CDH4: variants seen among roughly 807,000 people sequenced by gnomAD.
CDH4 encodes the protein cadherin 4.
A neutral mutation model predicts 86.0 loss-of-function variants in CDH4; 33 were observed. The observed-to-expected ratio is 0.38, with a 90% confidence interval of 0.29 to 0.51. CDH4 has a LOEUF of 0.51. Ranked by LOEUF, CDH4 falls within the 20% of genes least tolerant of loss-of-function variation. The pLI, the probability that CDH4 is intolerant of heterozygous loss-of-function variation, is 0.86. For missense variants in CDH4, 1,114 were observed against 1,307.4 expected (o/e 0.85, Z 2.28); for synonymous variants, 555 against 549.4 (o/e 1.01, Z -0.14).
Position 61,938,385 on chromosome 20 carries a change from C to G in CDH4, c.*1442C>G, listed in dbSNP as rs994884346. ...TGAGAAAACTCAGAGGGTGCATTCT[C>G]CCTCTGGCATGGCTGTGTCTGGGCG... On this transcript the variant is annotated 3_prime_UTR_variant, in exon 16 of 16. Coordinates refer to ENST00000614565, the MANE Select transcript of CDH4 (RefSeq NM_001794.5). 1 of 152,422 alleles carries G rather than the reference C, an allele frequency of 6.6e-6. No homozygotes were observed. The highest frequency in any genetic ancestry group is 1.5e-5 in the Non-Finnish European group (1 of 68,186). 9.4% of individuals were successfully genotyped at this position (152,422 alleles called of 1,614,324 possible). A position where few individuals can be genotyped will look rare whatever the true frequency, so the allele number is the denominator to read the frequency against.
At chr20:61,276,289 G>T (rs2084231665) in intron 2 of CDH4, among the ~76,000 whole-genome samples, 1 of 152,182 alleles carries the variant, frequency 6.6e-6, no homozygotes, top group Non-Finnish European at 1.5e-5. Flanking sequence ...AAGACCGGAA[G>T]TGCACATTTG....
intron 2 of CDH4, among the ~76,000 whole-genome samples, chr20:61,295,771 G>C (rs1488990387): frequency 2.0e-5 from 3 of 152,162 alleles, no homozygotes; most frequent in Non-Finnish European, 4.4e-5. Flanking sequence ...TCCCTTACCA[G>C]CTCCTCGTGC....
chr20:61,355,102 C>T (rs1285730097), intron 2 of CDH4, among the ~76,000 whole-genome samples: 3 of 152,170 alleles, frequency 2.0e-5, no homozygotes, highest in Admixed American at 2.0e-4. Context: ...AATGTGGCTG[C>T]AGTCATTGAG....
At chr20:61,868,543 T>C (rs565242935) in intron 6 of CDH4, among the ~76,000 whole-genome samples, 3 of 152,294 alleles carry the variant, frequency 2.0e-5, no homozygotes, top group Admixed American at 2.0e-4. Flanking sequence ...CAACAGGCCA[T>C]AAACCCTGCT....
At chr20:61,906,596 G>A (rs1302353526) in intron 8 of CDH4, among the ~76,000 whole-genome samples, 7 of 152,246 alleles carry the variant, frequency 4.6e-5, no homozygotes, top group African/African-American at 1.7e-4. Flanking sequence ...GCAAGGCAGT[G>A]TCCCCAGCGG....
At position 61,937,218 on chromosome 20, in the gene CDH4, TAAAA is replaced by T. The variant is rs11476350; in HGVS notation, c.*291_*294del. 5.8e-5 allele frequency: 6 copies of T among 103,160 alleles called. No homozygotes were observed. Among genetic ancestry groups the T allele is most frequent in the East Asian group, 5.4e-4 (2 of 3,722 alleles). The allele number at this position is 103,160 out of a possible 1,614,324, so 6.4% of individuals were successfully genotyped here. On this transcript the variant is annotated 3_prime_UTR_variant, in exon 16 of 16. Coordinates refer to ENST00000614565, the MANE Select transcript of CDH4 (RefSeq NM_001794.5). ...TTTCCTAGAACAGAAGCACTGTTTTTAAAAAAAAAAAAAAAAAAAGAAGAAAGAA... is the reference window on the plus strand; with the variant it reads ...TTTCCTAGAACAGAAGCACTGTTTTTAAAAAAAAAAAAAAAGAAGAAAGAA...
intron 2 of CDH4, chr20:61,435,605 C>A (rs1470071015): frequency 1.3e-5 from 2 of 152,480 alleles, no homozygotes; most frequent in East Asian, 3.9e-4. Context: ...TCCGGAATGG[C>A]CAGCCTGGGC....
At position 61,284,808 on chromosome 20, in the gene CDH4, G is replaced by C. The variant is rs953594100; in HGVS notation, c.169+29871G>C. On this transcript the variant is annotated intron_variant, in intron 2 of 15. Coordinates refer to ENST00000614565, the MANE Select transcript of CDH4 (RefSeq NM_001794.5). ...CAAACAATAAAACTTTTTGTCAAAG[G>C]CCAGATAGTCATTATTTTAGGCTTG... Among the ~76,000 whole-genome samples the C allele has an allele frequency of 7.2e-5, 11 of 152,164 alleles. 1 individual carries two copies. Among genetic ancestry groups the C allele is most frequent in the Admixed American group, 5.2e-4 (8 of 15,274 alleles).
At chr20:61,500,355 G>C (rs987837633) in intron 2 of CDH4, among the ~76,000 whole-genome samples, 1 of 152,214 alleles carries the variant, frequency 6.6e-6, no homozygotes, top group Non-Finnish European at 1.5e-5. Flanking sequence ...GAATTGCAGC[G>C]TGAATTAAGA....
intron 2 of CDH4, among the ~76,000 whole-genome samples, chr20:61,733,365 G>A (rs534870200): frequency 1.3e-5 from 2 of 152,252 alleles, no homozygotes; most frequent in South Asian, 4.2e-4. Flanking sequence ...CGCTCCCAGT[G>A]GTTCTGTACC....
At chr20:61,759,862 A>G (rs2088611218) in intron 3 of CDH4, among the ~76,000 whole-genome samples, 1 of 152,014 alleles carries the variant, frequency 6.6e-6, no homozygotes, top group South Asian at 2.1e-4. Context: ...TCAGCATCCT[A>G]CAGAACCCAG....
In CDH4 at chr20:61,818,229, G is replaced by T. The variant is rs34427551; in HGVS notation, c.577-26439G>T. On this transcript the variant is annotated intron_variant, in intron 4 of 15. Coordinates refer to ENST00000614565, the MANE Select transcript of CDH4 (RefSeq NM_001794.5). ...TTTCAGCAACACTATCTCACATCACGCAGACAGTGAGGAGGGCTTGGCTTC... is the reference window on the plus strand; with the variant it reads ...TTTCAGCAACACTATCTCACATCACTCAGACAGTGAGGAGGGCTTGGCTTC... Among the ~76,000 whole-genome samples, 52 of 151,910 alleles carry T rather than the reference G, an allele frequency of 3.4e-4. 1 individual carries two copies. The highest frequency in any genetic ancestry group is 1.2e-3 in the African/African-American group (50 of 41,350).
intron 4 of CDH4, among the ~76,000 whole-genome samples, chr20:61,820,192 A>G (rs963327573): frequency 1.3e-5 from 2 of 152,094 alleles, no homozygotes; most frequent in Non-Finnish European, 2.9e-5. Flanking sequence ...CCTTCCACCT[A>G]CACAGCAACC....
intron 4 of CDH4, among the ~76,000 whole-genome samples, chr20:61,818,186 C>T (rs1980831359): frequency 6.6e-6 from 1 of 152,178 alleles, no homozygotes; most frequent in Non-Finnish European, 1.5e-5. Flanking sequence ...CACACCACTA[C>T]GCCTCTTATG....
chr20:61,292,866 G>A (rs917035763), intron 2 of CDH4, among the ~76,000 whole-genome samples: 1 of 152,248 alleles, frequency 6.6e-6, no homozygotes, highest in Non-Finnish European at 1.5e-5. Flanking sequence ...GCAGCCTCTG[G>A]TATCAGCAGT....
chr20:61,774,097 C>T (rs901553933), intron 4 of CDH4, among the ~76,000 whole-genome samples: 3 of 152,208 alleles, frequency 2.0e-5, no homozygotes, highest in Admixed American at 6.5e-5. Flanking sequence ...TGTGCCTCCA[C>T]ACCCCAGCCA....
chr20:61,318,302 C>G (rs745580451), intron 2 of CDH4, among the ~76,000 whole-genome samples: 2 of 152,228 alleles, frequency 1.3e-5, no homozygotes, highest in African/African-American at 2.4e-5. Flanking sequence ...AGACACCAGC[C>G]TGGGATTCAC....
At chr20:61,692,690 A>G (rs905043293) in intron 2 of CDH4, among the ~76,000 whole-genome samples, 1 of 152,214 alleles carries the variant, frequency 6.6e-6, no homozygotes, top group Non-Finnish European at 1.5e-5. Flanking sequence ...ACAACTTTAT[A>G]CCATTGCAAA....
At chr20:61,449,972 C>G (rs777325094) in intron 2 of CDH4, among the ~76,000 whole-genome samples, 5 of 152,202 alleles carry the variant, frequency 3.3e-5, no homozygotes, top group Admixed American at 3.3e-4. Flanking sequence ...GCAAAACCAG[C>G]GAGAACTCTG....
Sources: allele counts gnomAD v4.1 joint callset (sites outside exome capture counted in the v4.1 genomes callset), GRCh38; gene constraint gnomAD v4.1.1; transcripts MANE v1.5; gene names NCBI Gene and HGNC (gene_info 2026-07-23, HGNC 2026-07-21).